The following MMP26 variants were observed in gnomAD, a reference collection of about 807,000 sequenced individuals.
MMP26 encodes matrix metalloproteinase-26.
Under a neutral mutation model 31.0 loss-of-function variants are expected in MMP26, and 33 were observed. That is an observed-to-expected ratio of 1.06 (90% CI 0.81 to 1.42). The LOEUF is 1.42. Ranked by LOEUF, MMP26 falls within the 40% of genes most tolerant of loss-of-function variation. The pLI is 0.00. For missense variants in MMP26, 347 were observed against 316.1 expected (o/e 1.10, Z -0.74); for synonymous variants, 122 against 114.9 (o/e 1.06, Z -0.40).
intron 2 of MMP26, among the ~76,000 whole-genome samples, chr11:4,935,448 G>T (rs915460962): frequency 6.6e-6 from 1 of 151,540 alleles, no homozygotes; most frequent in Admixed American, 6.6e-5. Flanking sequence ...CTTTGCTGAA[G>T]TTGCTTATCA....
intron 2 of MMP26, among the ~76,000 whole-genome samples, chr11:4,968,279 G>A (rs1026197951): frequency 6.6e-6 from 1 of 152,020 alleles, no homozygotes; most frequent in African/African-American, 2.4e-5. Context: ...CCTAGGAAAG[G>A]TTAATTATCT....
chr11:4,990,992 A>G (rs918522958), intron 5 of MMP26, among the ~76,000 whole-genome samples: 1 of 152,210 alleles, frequency 6.6e-6, no homozygotes, highest in African/African-American at 2.4e-5. Flanking sequence ...CCTTCCAAAA[A>G]GACGATGCAT....
At chr11:4,865,964 T>C (rs2133519823) in intron 2 of MMP26, among the ~76,000 whole-genome samples, 2 of 152,282 alleles carry the variant, frequency 1.3e-5, no homozygotes, top group East Asian at 1.9e-4. Context: ...GAGAGCTTTC[T>C]GGCATGAGAA....
chr11:4,720,413 T>C (rs1282896415), intron 1 of MMP26, among the ~76,000 whole-genome samples: 1 of 152,242 alleles, frequency 6.6e-6, no homozygotes, highest in Non-Finnish European at 1.5e-5. Context: ...ATGCTATGCT[T>C]GGACCTTATC....
At chr11:4,792,378 C>T (rs2133443738) in intron 2 of MMP26, among the ~76,000 whole-genome samples, 1 of 152,290 alleles carries the variant, frequency 6.6e-6, no homozygotes, top group Non-Finnish European at 1.5e-5. Flanking sequence ...CGCCCTCCCT[C>T]CAGCCCCTAA....
chr11:4,819,519 A>G (rs1176822070), intron 2 of MMP26, among the ~76,000 whole-genome samples: 1 of 150,330 alleles, frequency 6.7e-6, no homozygotes, highest in Non-Finnish European at 1.5e-5. Flanking sequence ...CATCAACAAA[A>G]TATGTATTGT....
intron 2 of MMP26, among the ~76,000 whole-genome samples, chr11:4,933,830 T>A (rs1851390210): frequency 6.7e-6 from 1 of 150,198 alleles, no homozygotes; most frequent in South Asian, 2.1e-4. Flanking sequence ...AGTGTTTGGT[T>A]TTTTATTCTT....
At chr11:4,972,873 G>A (rs1303722288) in intron 2 of MMP26, 2 of 152,140 alleles carry the variant, frequency 1.3e-5, no homozygotes, top group Non-Finnish European at 2.9e-5. Context: ...AACATAGTAT[G>A]TTTTCTTATT....
intron 2 of MMP26, chr11:4,943,900 A>G (rs1272420794): frequency 2.2e-6 from 1 of 444,476 alleles, no homozygotes; most frequent in South Asian, 1.6e-5. Context: ...ATACTCTTTT[A>G]TGTGACATCT....
intron 2 of MMP26, among the ~76,000 whole-genome samples, chr11:4,926,587 A>G (rs1187329593): frequency 6.6e-6 from 1 of 152,200 alleles, no homozygotes; most frequent in Non-Finnish European, 1.5e-5. Flanking sequence ...AATACCAGAA[A>G]CCTTTGGAGG....
chr11:4,877,692 A>G (rs1457128023), intron 2 of MMP26: 1 of 152,168 alleles, frequency 6.6e-6, no homozygotes, highest in Non-Finnish European at 1.5e-5. Flanking sequence ...TGAATTTTAA[A>G]TGTACTTAAT....
chr11:4,789,530 C>CTTTTTTTTTTTTTTTTT lies in MMP26; in HGVS notation c.-145+22202_-145+22218dup, dbSNP rs71050429. 4.1e-4 allele frequency among the ~76,000 whole-genome samples: 27 copies of CTTTTTTTTTTTTTTTTT among 65,968 alleles called. 3 individuals are homozygous for CTTTTTTTTTTTTTTTTT. Among genetic ancestry groups the CTTTTTTTTTTTTTTTTT allele is most frequent in the African/African-American group, 1.4e-3 (27 of 18,642 alleles). The allele number at this position is 65,968 out of a possible 152,430, so 43.3% of individuals were successfully genotyped here. On this transcript the variant is annotated intron_variant, in intron 2 of 7. Coordinates refer to ENST00000380390, the MANE Select transcript of MMP26 (RefSeq NM_021801.5). ...TCCTGAAGGTAAAGATATCCCCCCACTTTTTTTTTTTTTTTTTTTTTTTTT... is the reference window on the plus strand; with the variant it reads ...TCCTGAAGGTAAAGATATCCCCCCACTTTTTTTTTTTTTTTTTTTTTTTTTTTTTTTTTTTTTTTTTT...
In MMP26 at chr11:4,805,372, G is replaced by T. The variant is rs1196468716; in HGVS notation, c.-145+38031G>T. 2.6e-5 allele frequency among the ~76,000 whole-genome samples: 4 copies of T among 152,206 alleles called. No individual in the cohort carries two copies. The East Asian group carries it at 7.7e-4, about 29-fold the overall frequency. On this transcript the variant is annotated intron_variant, in intron 2 of 7. Coordinates refer to ENST00000380390, the MANE Select transcript of MMP26 (RefSeq NM_021801.5). Reference sequence around the variant, plus strand: ...TTAAAAAGTGAGATCACAAAATTTTGAGAAATTGTGGCCTATACTGTCTGT... The same window carrying T: ...TTAAAAAGTGAGATCACAAAATTTTTAGAAATTGTGGCCTATACTGTCTGT...
At chr11:4,872,648 T>C (rs539343226) in intron 2 of MMP26, among the ~76,000 whole-genome samples, 16 of 152,158 alleles carry the variant, frequency 1.1e-4, no homozygotes, top group Admixed American at 9.8e-4. Context: ...TTTAAGAGTA[T>C]AGTATGCTCA....
chr11:4,860,335 A>G (rs200307555), intron 2 of MMP26: 39 of 471,214 alleles, frequency 8.3e-5, no homozygotes, highest in Non-Finnish European at 1.4e-4. Context: ...CAAGGTGGAC[A>G]TGGAGAGACT....
At chr11:4,830,796 C>A (rs946003920) in intron 2 of MMP26, among the ~76,000 whole-genome samples, 3 of 152,142 alleles carry the variant, frequency 2.0e-5, no homozygotes, top group African/African-American at 7.2e-5. Context: ...ACCCAAATTC[C>A]AGAGACAGAC....
chr11:4,828,320 A>T (rs989726476), intron 2 of MMP26, among the ~76,000 whole-genome samples: 3 of 152,088 alleles, frequency 2.0e-5, no homozygotes, highest in Admixed American at 6.6e-5. Context: ...TTTTATATTG[A>T]TTATCCTACT....
chr11:4,932,469 A>G (rs1488893004), intron 2 of MMP26, among the ~76,000 whole-genome samples: 1 of 152,124 alleles, frequency 6.6e-6, no homozygotes, highest in South Asian at 2.1e-4. Context: ...AAACCAGCTA[A>G]CATGCTGATA....
chr11:4,895,143 G>C (rs1850681670), intron 2 of MMP26, among the ~76,000 whole-genome samples: 2 of 152,106 alleles, frequency 1.3e-5, no homozygotes, highest in South Asian at 4.1e-4. Context: ...ATTTTGTAAA[G>C]AAAGCTTCAG....
Sources: allele counts gnomAD v4.1 joint callset (sites outside exome capture counted in the v4.1 genomes callset), GRCh38; gene constraint gnomAD v4.1.1; transcripts MANE v1.5; gene names NCBI Gene and HGNC (gene_info 2026-07-23, HGNC 2026-07-21).